Variants in RBM34 observed in about 807,000 individuals in gnomAD.
The protein encoded by RBM34 is RNA-binding protein 34.
RBM34 carries 39 observed loss-of-function variants against 44.6 expected under a neutral mutation model. The observed-to-expected ratio is 0.87, with a 90% CI of 0.68 to 1.14. The LOEUF (loss-of-function observed/expected upper bound fraction) is 1.14. Ranked by LOEUF, RBM34 falls within the 50% of genes most tolerant of loss-of-function variation. RBM34 has a pLI of 0.00. For synonymous variants in RBM34, 194 were observed against 184.0 expected, an observed-to-expected ratio of 1.05 and a Z score of -0.44; for missense variants, 572 against 517.9, an observed-to-expected ratio of 1.10 and a Z score of -1.01.
At chr1:235,142,633 AAG>A (rs1195243163) in intron 6 of RBM34, among the ~76,000 whole-genome samples, 2 of 151,988 alleles carry the variant, frequency 1.3e-5, no homozygotes. Flanking sequence ...TTCAATCTTT[AAG>A]AGACACCTCT....
chr1:235,137,400 G>T (rs1255883796), intron 8 of RBM34, among the ~76,000 whole-genome samples: 1 of 152,076 alleles, frequency 6.6e-6, no homozygotes, highest in African/African-American at 2.4e-5. Context: ...TAAGAAACAG[G>T]GTCGCCCTCT....
chr1:235,145,470 G>A (rs1296529971), intron 6 of RBM34, among the ~76,000 whole-genome samples: 1 of 151,830 alleles, frequency 6.6e-6, no homozygotes, highest in Non-Finnish European at 1.5e-5. Flanking sequence ...TAGAGATGAG[G>A]TCTCGCCACG....
At chr1:235,132,670 A>G (rs1212132753) in intron 10 of RBM34, among the ~76,000 whole-genome samples, 3 of 152,004 alleles carry the variant, frequency 2.0e-5, no homozygotes, top group Non-Finnish European at 4.4e-5. Flanking sequence ...TCAAAGCCCC[A>G]TTGTATTAGC....
rs974439733 is a variant in RBM34 at position 235,154,729 on chromosome 1, G to A, written c.597+152C>T. 98 of 673,388 alleles carry A rather than the reference G, an allele frequency of 1.5e-4. 1 individual carries two copies. The Middle Eastern group carries it at 2.8e-3, about 19-fold the overall frequency. The allele number at this position is 673,388 out of a possible 1,614,324, so 41.7% of individuals were successfully genotyped here. A position where few individuals can be genotyped will look rare whatever the true frequency, so the allele number is the denominator to read the frequency against. Reference sequence around the variant, plus strand: ...TGGCAGGGACTACAGGAATGAAAAGGAGGGGGTGGATACTGGAATCCATTC... The same window carrying A: ...TGGCAGGGACTACAGGAATGAAAAGAAGGGGGTGGATACTGGAATCCATTC... On this transcript the variant is annotated intron_variant, in intron 4 of 10. Coordinates refer to ENST00000408888, the MANE Select transcript of RBM34 (RefSeq NM_015014.4).
chr1:235,132,371 C>T (rs898234467), intron 10 of RBM34, among the ~76,000 whole-genome samples: 36 of 152,084 alleles, frequency 2.4e-4, no homozygotes, highest in Non-Finnish European at 4.6e-4. Context: ...TGCAGTGGCA[C>T]GATCTCGGCT....
Position 235,154,946 on chromosome 1 carries a change from C to T in RBM34, c.532G>A (p.Glu178Lys), listed in dbSNP as rs370629801. ...GTTCTCTCATTCTTTAATCTCTCTT[C>T]TTCTTGGTTGATTTGAATTTTCTTT... ...QRKKIQINQE[E>K]ERLKNERTVF... The change falls in exon 4 of 11, where the codon GAA becomes AAA. Residue 178 changes from glutamate to lysine, a missense_variant. Physicochemically the swap from Glu to Lys is moderately conservative, Grantham distance 56. Coordinates refer to ENST00000408888, the MANE Select transcript of RBM34 (RefSeq NM_015014.4). 4.8e-5 allele frequency: 78 copies of T among 1,613,938 alleles called. No individual in the cohort carries two copies. Among genetic ancestry groups the T allele is most frequent in the Non-Finnish European group, 6.2e-5 (73 of 1,179,998 alleles).
At chr1:235,140,118 G>T (rs926229255) in intron 6 of RBM34, among the ~76,000 whole-genome samples, 2 of 152,246 alleles carry the variant, frequency 1.3e-5, no homozygotes, top group Non-Finnish European at 2.9e-5. Flanking sequence ...AGGTGACAGC[G>T]TGCTGGCAGT....
intron 6 of RBM34, among the ~76,000 whole-genome samples, chr1:235,141,423 T>C (rs1405980979): frequency 2.0e-5 from 3 of 152,166 alleles, no homozygotes; most frequent in African/African-American, 7.2e-5. Context: ...GATGGGGACA[T>C]GGAGAACCTT....
intron 6 of RBM34, among the ~76,000 whole-genome samples, chr1:235,147,571 C>T (rs1661956671): frequency 6.6e-6 from 1 of 152,150 alleles, no homozygotes; most frequent in Admixed American, 6.6e-5. Context: ...CAACTCTTAA[C>T]TATACACCTG....
intron 3 of RBM34, among the ~76,000 whole-genome samples, chr1:235,155,853 A>G (rs1366942108): frequency 1.0e-4 from 3 of 28,726 alleles, no homozygotes; most frequent in Non-Finnish European, 1.8e-4. Context: ...ATATATATAT[A>G]TATATATATA....
At chr1:235,134,442 C>T (rs927199838) in intron 10 of RBM34, among the ~76,000 whole-genome samples, 6 of 151,950 alleles carry the variant, frequency 3.9e-5, no homozygotes, top group Non-Finnish European at 8.8e-5. Flanking sequence ...ATTACAGTCA[C>T]GCGTCAACAT....
At chr1:235,139,618 G>A (rs898132509) in intron 6 of RBM34, among the ~76,000 whole-genome samples, 2 of 152,108 alleles carry the variant, frequency 1.3e-5, no homozygotes, top group Non-Finnish European at 2.9e-5. Flanking sequence ...AACAAATGCT[G>A]GAGTTCCGCT....
rs760886110 is a variant in RBM34 at position 235,135,255 on chromosome 1, G to A, written c.1008+397C>T. Reference sequence around the variant, plus strand: ...TTTTTTTTTTCCCCCTTGAGATGGAGTCTTGCTCTGTGGCCCAGGCTGGAG... The same window carrying A: ...TTTTTTTTTTCCCCCTTGAGATGGAATCTTGCTCTGTGGCCCAGGCTGGAG... On this transcript the variant is annotated intron_variant, in intron 10 of 10. Transcript: ENST00000408888. Among the ~76,000 whole-genome samples the A allele has an allele frequency of 1.3e-4, 18 of 143,916 alleles. 5 individuals are homozygous for A. Among genetic ancestry groups the A allele is most frequent in the Non-Finnish European group, 2.8e-4 (18 of 65,446 alleles). 94.4% of individuals were successfully genotyped at this position (143,916 alleles called of 152,430 possible). A position where few individuals can be genotyped will look rare whatever the true frequency, so the allele number is the denominator to read the frequency against.
chr1:235,132,346 G>C (rs1296634084), intron 10 of RBM34, among the ~76,000 whole-genome samples: 1 of 151,526 alleles, frequency 6.6e-6, no homozygotes. Flanking sequence ...ATCTCGCTCT[G>C]TTGCCAGGCT....
intron 6 of RBM34, among the ~76,000 whole-genome samples, chr1:235,142,424 G>A (rs1008562359): frequency 3.9e-5 from 6 of 151,964 alleles, no homozygotes; most frequent in African/African-American, 7.2e-5. Context: ...GATTACAGGC[G>A]CACGCCACCA....
intron 6 of RBM34, 96 bp from the exon 7 acceptor site, chr1:235,138,270 C>A (rs1338853549): frequency 7.9e-6 from 7 of 885,586 alleles, no homozygotes; most frequent in Non-Finnish European, 1.2e-5. Context: ...GTTTTCAACT[C>A]TTAACACACA....
At chr1:235,157,937 G>A (rs542977694) in intron 3 of RBM34, among the ~76,000 whole-genome samples, 1 of 152,256 alleles carries the variant, frequency 6.6e-6, no homozygotes, top group East Asian at 1.9e-4. Context: ...GTGGAAGGGT[G>A]AACAGATCAA....
In RBM34 at chr1:235,144,499, TA is replaced by T. The variant is rs67277220; in HGVS notation, c.701+3904del. On this transcript the variant is annotated intron_variant, in intron 6 of 10. Coordinates refer to ENST00000408888, the MANE Select transcript of RBM34 (RefSeq NM_015014.4). ...TTTACTGGAAGTAGCCTTAATAAACTAAAAAAAAAAAAAAAAGGTTTTAAAC... is the reference window on the plus strand; with the variant it reads ...TTTACTGGAAGTAGCCTTAATAAACTAAAAAAAAAAAAAAAGGTTTTAAAC... 1.6e-3 allele frequency among the ~76,000 whole-genome samples: 215 copies of T among 132,166 alleles called. 1 individual carries two copies. Among genetic ancestry groups the T allele is most frequent in the East Asian group, 5.8e-3 (23 of 3,998 alleles). The allele number at this position is 132,166 out of a possible 152,430, so 86.7% of individuals were successfully genotyped here.
At position 235,131,960 on chromosome 1, in the gene RBM34, T is replaced by A; in HGVS notation, c.1046A>T (p.Asn349Ile). The A allele has an allele frequency of 6.2e-7, 1 of 1,604,782 alleles. No homozygotes were observed. Among genetic ancestry groups the A allele is most frequent in the Non-Finnish European group, 8.5e-7 (1 of 1,175,470 alleles). Residue 349 changes from asparagine to isoleucine, a missense_variant, in exon 11 of 11, where the codon AAT becomes ATT. By Grantham distance (149) the Asn-to-Ile change is moderately radical. Transcript: ENST00000408888. Reference protein sequence around the residue: ...DSVHLALKLNNSELMGRKLRV... With the variant: ...DSVHLALKLNISELMGRKLRV... ...GAGTTTTCTCCCCATGAGTTCAGAA[T>A]TATTTAATTTCAGAGCAAGATGAAC... is the stretch of plus-strand genomic sequence containing the variant.
Sources: gnomAD v4.1 joint callset for allele counts (sites outside exome capture counted in the v4.1 genomes callset) on GRCh38, gnomAD v4.1.1 for gene constraint, MANE v1.5 for transcripts, NCBI Gene and HGNC (gene_info 2026-07-23, HGNC 2026-07-21) for gene names.